The following RANBP2 variants were observed in gnomAD, a reference collection of about 807,000 sequenced individuals.
RANBP2 encodes the protein E3 SUMO-protein ligase RanBP2.
RANBP2 carries 57 observed loss-of-function variants against 303.6 expected under a neutral mutation model. That is an observed-to-expected ratio of 0.19 (90% CI 0.15 to 0.23). The LOEUF (loss-of-function observed/expected upper bound fraction) is 0.23, where lower values mean the gene tolerates loss of function less well. Among genes scored for constraint, RANBP2 ranks in the 10% least tolerant of loss-of-function variants. RANBP2 has a pLI of 1.00. For missense variants in RANBP2, 3,138 were observed against 3,780.8 expected, an observed-to-expected ratio of 0.83 and a Z score of 4.46; for synonymous variants, 1,167 against 1,301.5, an observed-to-expected ratio of 0.90 and a Z score of 2.23.
the RANBP2 span, among the ~76,000 whole-genome samples, chr2:109,626,451 AGAGT>A: frequency 6.6e-6 from 1 of 152,016 alleles, no homozygotes; most frequent in Non-Finnish European, 1.5e-5. Context: ...CCTGGGCAAA[AGAGT>A]GAGACTCCAT....
At chr2:109,361,693 C>A in the RANBP2 span, among the ~76,000 whole-genome samples, 1 of 152,156 alleles carries the variant, frequency 6.6e-6, no homozygotes, top group South Asian at 2.1e-4. Context: ...TCAGGCTGGT[C>A]TTGAACTCCT....
the RANBP2 span, among the ~76,000 whole-genome samples, chr2:109,623,944 CAG>C: frequency 2.0e-5 from 3 of 152,300 alleles, no homozygotes; most frequent in East Asian, 5.8e-4. Context: ...TGGCAAAACA[CAG>C]GGGTCTTCCC....
the RANBP2 span, among the ~76,000 whole-genome samples, chr2:109,666,103 C>T: frequency 6.7e-6 from 1 of 148,462 alleles, no homozygotes; most frequent in Non-Finnish European, 1.5e-5. Flanking sequence ...GAGACAGATT[C>T]TGTCACAAAA....
At chr2:108,719,709 C>G (rs1250794028) in intron 1 of RANBP2, 31 bp downstream of exon 1, 6 of 1,571,552 alleles carry the variant, frequency 3.8e-6, no homozygotes, top group Non-Finnish European at 5.2e-6. Context: ...CCGACGGCCT[C>G]GACCTGGCCG....
At chr2:109,533,938 C>A in the RANBP2 span, among the ~76,000 whole-genome samples, 1 of 152,164 alleles carries the variant, frequency 6.6e-6, no homozygotes, top group African/African-American at 2.4e-5. Context: ...CTCACACTGC[C>A]TGGAGGGGAA....
At chr2:109,641,340 A>G in the RANBP2 span, among the ~76,000 whole-genome samples, 1,074 of 152,302 alleles carry the variant, frequency 7.1e-3, 12 homozygotes, top group African/African-American at 0.024. Context: ...TAAAAGATGG[A>G]AACAACCCAA....
chr2:109,476,426 A>G, the RANBP2 span, among the ~76,000 whole-genome samples: 4 of 152,208 alleles, frequency 2.6e-5, no homozygotes, highest in Non-Finnish European at 5.9e-5. Context: ...GGGTAGCCCC[A>G]GGGGAGGTAG....
chr2:108,979,366 C>T, the RANBP2 span, among the ~76,000 whole-genome samples: 1 of 152,148 alleles, frequency 6.6e-6, no homozygotes, highest in African/African-American at 2.4e-5. Flanking sequence ...TGGGCTGCCC[C>T]CTGCCCCACC....
At chr2:109,391,195 AT>A in the RANBP2 span, among the ~76,000 whole-genome samples, 16 of 152,220 alleles carry the variant, frequency 1.1e-4, no homozygotes, top group African/African-American at 3.9e-4. Flanking sequence ...TTAGGCAGCC[AT>A]TTGTGCAGTG....
the RANBP2 span, among the ~76,000 whole-genome samples, chr2:109,285,715 C>G: frequency 6.6e-6 from 1 of 152,176 alleles, no homozygotes; most frequent in African/African-American, 2.4e-5. Flanking sequence ...TGCATCTGTC[C>G]CTGAGCCTGG....
chr2:109,201,350 C>T, the RANBP2 span, among the ~76,000 whole-genome samples: 1 of 152,278 alleles, frequency 6.6e-6, no homozygotes. Context: ...CCCACAGGTA[C>T]ATGGCCTGGG....
the RANBP2 span, among the ~76,000 whole-genome samples, chr2:109,487,635 G>A: frequency 6.6e-6 from 1 of 152,164 alleles, no homozygotes; most frequent in Non-Finnish European, 1.5e-5. Flanking sequence ...GGGCCTGACT[G>A]CATATACTCT....
At chr2:109,490,424 G>C in the RANBP2 span, among the ~76,000 whole-genome samples, 244 of 152,296 alleles carry the variant, frequency 1.6e-3, no homozygotes, top group African/African-American at 5.7e-3. Context: ...CAGGGAACTG[G>C]TGCAAGAAAA....
chr2:108,933,382 C>T, the RANBP2 span, among the ~76,000 whole-genome samples: 1 of 152,118 alleles, frequency 6.6e-6, no homozygotes, highest in Non-Finnish European at 1.5e-5. Context: ...AAGCGTGTGT[C>T]CCTGGCTGCT....
the RANBP2 span, among the ~76,000 whole-genome samples, chr2:109,346,371 G>C: frequency 6.6e-6 from 1 of 152,158 alleles, no homozygotes; most frequent in Non-Finnish European, 1.5e-5. Flanking sequence ...AGAGTTTTTC[G>C]ATGTACTACT....
the RANBP2 span, among the ~76,000 whole-genome samples, chr2:109,579,994 G>A: frequency 0.068 from 10,258 of 151,636 alleles, 564 homozygotes; most frequent in African/African-American, 0.15. Context: ...GGTGGCAGGC[G>A]CCTGTAATCC....
At chr2:108,923,635 T>A in the RANBP2 span, among the ~76,000 whole-genome samples, 1 of 152,364 alleles carries the variant, frequency 6.6e-6, no homozygotes, top group African/African-American at 2.4e-5. Flanking sequence ...TGTCTTGAAA[T>A]GGAGCATTCT....
the RANBP2 span, among the ~76,000 whole-genome samples, chr2:108,793,869 T>C: frequency 6.6e-6 from 1 of 152,016 alleles, no homozygotes. Context: ...CCCAAAGTGC[T>C]GGGATTATAG....
chr2:109,722,905 A>T, the RANBP2 span, among the ~76,000 whole-genome samples: 1 of 152,054 alleles, frequency 6.6e-6, no homozygotes, highest in Admixed American at 6.5e-5. Flanking sequence ...TGTCTTTGCT[A>T]TTGTGAATAG....
Sources: allele counts gnomAD v4.1 joint callset (sites outside exome capture counted in the v4.1 genomes callset), GRCh38; gene constraint gnomAD v4.1.1; transcripts MANE v1.5; gene names NCBI Gene and HGNC (gene_info 2026-07-23, HGNC 2026-07-21).